ATP8A2: variants seen among roughly 807,000 people sequenced by gnomAD.
ATP8A2 encodes ATPase phospholipid transporting 8A2.
Under a neutral mutation model 165.6 loss-of-function variants are expected in ATP8A2, and 100 were observed. The ratio of observed to expected loss-of-function variants is 0.60; its 90% CI spans 0.51 to 0.71. The LOEUF (loss-of-function observed/expected upper bound fraction) is 0.71, where lower values mean the gene tolerates loss of function less well. Among genes scored for constraint, ATP8A2 ranks in the 30% least tolerant of loss-of-function variants. ATP8A2 has a pLI of 0.00. For synonymous variants in ATP8A2, 543 were observed against 548.8 expected (o/e 0.99, Z 0.15); for missense variants, 1,227 against 1,479.5 (o/e 0.83, Z 2.80).
chr13:25,967,135 C>T (rs778827414), intron 34 of ATP8A2, among the ~76,000 whole-genome samples: 3 of 152,190 alleles, frequency 2.0e-5, no homozygotes, highest in Non-Finnish European at 4.4e-5. Flanking sequence ...GAACGGGGTA[C>T]ATTTTAACAT....
chr13:25,428,926 A>T (rs1167968508), intron 1 of ATP8A2, among the ~76,000 whole-genome samples: 1 of 152,196 alleles, frequency 6.6e-6, no homozygotes, highest in Non-Finnish European at 1.5e-5. Flanking sequence ...AGCTCACAGC[A>T]CGACCCCAGA....
In ATP8A2 at chr13:25,828,208, CTCTA is replaced by C; in HGVS notation, c.2754+20_2754+23del. On this transcript the variant is annotated intron_variant, in intron 28 of 36. Transcript: ENST00000381655. ...GTACAATGTGGTAAGCATTCTTCAT[CTCTA>C]TCTGATAGCATGCAGAACTTAGAAC... 1 of 1,593,658 alleles carries C rather than the reference CTCTA, an allele frequency of 6.3e-7. No homozygotes were observed. Among genetic ancestry groups the C allele is most frequent in the Non-Finnish European group, 8.6e-7 (1 of 1,161,344 alleles).
intron 13 of ATP8A2, among the ~76,000 whole-genome samples, chr13:25,557,744 A>G (rs576194944): frequency 7.2e-5 from 11 of 152,320 alleles, no homozygotes; most frequent in Admixed American, 5.2e-4. Context: ...AAAGTGTTCA[A>G]GAAGTACCCA....
At chr13:25,975,355 C>T (rs749855618) in intron 35 of ATP8A2, among the ~76,000 whole-genome samples, 2 of 151,960 alleles carry the variant, frequency 1.3e-5, no homozygotes, top group Non-Finnish European at 2.9e-5. Context: ...GGGCAGGTCA[C>T]GAGGTCAGGA....
At chr13:25,669,045 T>C (rs1052866468) in intron 24 of ATP8A2, among the ~76,000 whole-genome samples, 16 of 152,212 alleles carry the variant, frequency 1.1e-4, no homozygotes, top group African/African-American at 3.1e-4. Flanking sequence ...TCTTGGGGAA[T>C]AGTTTCTGTC....
At chr13:25,770,757 C>A (rs1025113708) in intron 26 of ATP8A2, among the ~76,000 whole-genome samples, 2 of 152,128 alleles carry the variant, frequency 1.3e-5, no homozygotes, top group Non-Finnish European at 1.5e-5. Flanking sequence ...CTCCAGATTG[C>A]GATACATCAT....
intron 1 of ATP8A2, among the ~76,000 whole-genome samples, chr13:25,403,738 G>A (rs1018515591): frequency 1.3e-5 from 2 of 152,140 alleles, no homozygotes; most frequent in African/African-American, 4.8e-5. Context: ...ATGGAATGTT[G>A]CCTGGCCTGC....
chr13:25,459,396 C>T (rs569662918), intron 1 of ATP8A2, among the ~76,000 whole-genome samples: 27 of 152,264 alleles, frequency 1.8e-4, no homozygotes, highest in Admixed American at 3.3e-4. Context: ...ATTTTGTGTT[C>T]GCTTGATTCA....
intron 1 of ATP8A2, among the ~76,000 whole-genome samples, chr13:25,441,113 C>T (rs1282620217): frequency 6.6e-6 from 1 of 152,074 alleles, no homozygotes; most frequent in African/African-American, 2.4e-5. Flanking sequence ...TTTTCTCTCC[C>T]CCAGTTTGTT....
intron 1 of ATP8A2, among the ~76,000 whole-genome samples, chr13:25,446,538 C>A (rs573851146): frequency 1.4e-5 from 2 of 139,990 alleles, no homozygotes; most frequent in African/African-American, 5.0e-5. Flanking sequence ...GAACCACGCC[C>A]GCAGTACATT....
At chr13:25,898,469 G>C (rs1393317404) in intron 33 of ATP8A2, among the ~76,000 whole-genome samples, 1 of 152,182 alleles carries the variant, frequency 6.6e-6, no homozygotes, top group Non-Finnish European at 1.5e-5. Context: ...GCTACTCGGG[G>C]GTCAGGGACC....
rs2032418117 is a variant in ATP8A2 at position 25,372,083 on chromosome 13, G to C, written c.-130G>C. On this transcript the variant is annotated 5_prime_UTR_variant, in exon 1 of 37. Coordinates refer to ENST00000381655, the MANE Select transcript of ATP8A2 (RefSeq NM_016529.6). The surrounding 1 kb of genome is among the most constrained non-coding windows in gnomAD (Gnocchi z 4.8). ...GGCGCGGCCCGGCACAGGCGCCGGC[G>C]GTCCCCGCCAGCTAGCAGCCCGGCG... 5.4e-6 allele frequency: 3 copies of C among 550,770 alleles called. No homozygotes were observed. Among genetic ancestry groups the C allele is most frequent in the Non-Finnish European group, 7.8e-6 (3 of 382,800 alleles). The allele number at this position is 550,770 out of a possible 1,614,324, so 34.1% of individuals were successfully genotyped here.
At chr13:25,900,494 C>T (rs531555385) in intron 33 of ATP8A2, among the ~76,000 whole-genome samples, 1 of 152,246 alleles carries the variant, frequency 6.6e-6, no homozygotes, top group Admixed American at 6.5e-5. Flanking sequence ...CATCTGGTCG[C>T]AGTTTCAGAT....
intron 2 of ATP8A2, among the ~76,000 whole-genome samples, chr13:25,519,004 C>G (rs1034618316): frequency 6.6e-6 from 1 of 152,194 alleles, no homozygotes; most frequent in African/African-American, 2.4e-5. Flanking sequence ...GTGACAAGGC[C>G]AATGCGTTGG....
At chr13:25,701,502 C>A (rs1279762538) in intron 25 of ATP8A2, among the ~76,000 whole-genome samples, 1 of 152,094 alleles carries the variant, frequency 6.6e-6, no homozygotes, top group Non-Finnish European at 1.5e-5. Flanking sequence ...CTGCCACTGC[C>A]CTGTTGATCA....
chr13:25,899,903 GAA>G lies in ATP8A2; in HGVS notation c.3183+37497_3183+37498del, dbSNP rs891117128. Among the ~76,000 whole-genome samples, 16 of 152,268 alleles carry G rather than the reference GAA, an allele frequency of 1.1e-4. No individual in the cohort carries two copies. The South Asian group carries it at 1.7e-3, about 16-fold the overall frequency. ...TGGGGAAAAAATAGGTGGTACAGGG[GAA>G]AGAGTGGAGGCAGGGAGTCCAGCTG... On this transcript the variant is annotated intron_variant, in intron 33 of 36. Coordinates refer to ENST00000381655, the MANE Select transcript of ATP8A2 (RefSeq NM_016529.6).
intron 33 of ATP8A2, among the ~76,000 whole-genome samples, chr13:25,958,979 T>A (rs17586131): frequency 6.6e-6 from 1 of 152,232 alleles, no homozygotes; most frequent in South Asian, 2.1e-4. Flanking sequence ...TGATACATTA[T>A]GTAAAGTCAC....
rs1300656471 is a variant in ATP8A2 at position 25,577,155 on chromosome 13, C to T, written c.1782+17C>T. On this transcript the variant is annotated intron_variant, in intron 20 of 36. Coordinates refer to ENST00000381655, the MANE Select transcript of ATP8A2 (RefSeq NM_016529.6). ...AAAGGGGCTGTAAGTACCGGAGAAG[C>T]GTTGTGCGTAGCGGAGTTCTTGGCA... 4.3e-5 allele frequency: 69 copies of T among 1,610,062 alleles called. No homozygotes were observed. The East Asian group carries it at 1.2e-3, about 27-fold the overall frequency.
At chr13:25,405,601 G>T (rs920410224) in intron 1 of ATP8A2, among the ~76,000 whole-genome samples, 15 of 152,088 alleles carry the variant, frequency 9.9e-5, no homozygotes, top group Non-Finnish European at 2.1e-4. Context: ...GGGCAGCCAG[G>T]TACTGCCCAA....
Sources: allele counts gnomAD v4.1 joint callset (sites outside exome capture counted in the v4.1 genomes callset), GRCh38; gene constraint gnomAD v4.1.1; non-coding constraint Gnocchi (gnomAD v3.1); transcripts MANE v1.5; gene names NCBI Gene and HGNC (gene_info 2026-07-23, HGNC 2026-07-21).